Variants in KIAA1958 observed in about 807,000 individuals in gnomAD.
KIAA1958 encodes uncharacterized protein KIAA1958.
In KIAA1958, 14 loss-of-function variants were observed where a neutral mutation model predicts 47.2. The observed-to-expected ratio is 0.30, with a 90% CI of 0.20 to 0.46. The LOEUF is 0.46. Among genes scored for constraint, KIAA1958 ranks in the 20% least tolerant of loss-of-function variants. KIAA1958 has a pLI of 1.00. For missense variants in KIAA1958, 803 were observed against 909.2 expected (o/e 0.88, Z 1.50); for synonymous variants, 354 against 353.3 (o/e 1.00, Z -0.02).
intron 1 of KIAA1958, among the ~76,000 whole-genome samples, chr9:112,561,042 G>A (rs1167649154): frequency 1.3e-5 from 2 of 151,038 alleles, no homozygotes; most frequent in Non-Finnish European, 1.5e-5. Flanking sequence ...AGCACTCAGT[G>A]TATTGTCTTT....
chr9:112,594,183 T>C (rs1458587685), intron 2 of KIAA1958, among the ~76,000 whole-genome samples: 2 of 152,196 alleles, frequency 1.3e-5, no homozygotes, highest in African/African-American at 4.8e-5. Flanking sequence ...CTTTTAAATG[T>C]AGTATAGTTG....
chr9:112,508,363 G>A (rs940786692), intron 1 of KIAA1958, among the ~76,000 whole-genome samples: 1 of 152,094 alleles, frequency 6.6e-6, no homozygotes, highest in Non-Finnish European at 1.5e-5. Flanking sequence ...ATTCACAAAG[G>A]CAGTCTAGAA....
intron 1 of KIAA1958, among the ~76,000 whole-genome samples, chr9:112,555,350 A>G (rs1043550875): frequency 2.6e-5 from 4 of 152,202 alleles, no homozygotes; most frequent in African/African-American, 4.8e-5. Flanking sequence ...GAGGCCAGGC[A>G]AGTGGGAGAG....
At chr9:112,635,832 A>G (rs1470443559) in intron 2 of KIAA1958, among the ~76,000 whole-genome samples, 1 of 151,854 alleles carries the variant, frequency 6.6e-6, no homozygotes, top group East Asian at 1.9e-4. Context: ...ACTTTTTATT[A>G]TAAATTTCTT....
At position 112,642,995 on chromosome 9, in the gene KIAA1958, T is replaced by G. The variant is rs139279763; in HGVS notation, c.1172-2655T>G. On this transcript the variant is annotated intron_variant, in intron 2 of 3. Coordinates refer to ENST00000337530, the MANE Select transcript of KIAA1958 (RefSeq NM_133465.4). ...CTCTGTCCTGTGATTTTAAGAAAAT[T>G]TTAAGAAATTATTTAGCGGTTTAAT... Among the ~76,000 whole-genome samples, 898 of 152,360 alleles carry G rather than the reference T, an allele frequency of 5.9e-3. 11 individuals are homozygous for G. The highest frequency in any genetic ancestry group is 0.021 in the African/African-American group (857 of 41,582).
chr9:112,564,078 G>T (rs1157114452), intron 1 of KIAA1958, among the ~76,000 whole-genome samples: 1 of 152,108 alleles, frequency 6.6e-6, no homozygotes, highest in South Asian at 2.1e-4. Flanking sequence ...GAGGAATATT[G>T]ATCTATAATT....
At chr9:112,645,121 G>A (rs556743300) in intron 2 of KIAA1958, among the ~76,000 whole-genome samples, 2 of 134,270 alleles carry the variant, frequency 1.5e-5, no homozygotes, top group African/African-American at 2.8e-5. Flanking sequence ...GGCGATAAGC[G>A]CAAAACTTTG....
intron 2 of KIAA1958, among the ~76,000 whole-genome samples, chr9:112,600,773 A>G (rs1200452553): frequency 6.6e-6 from 1 of 152,242 alleles, no homozygotes; most frequent in Admixed American, 6.5e-5. Context: ...AGCTCGGGCT[A>G]GGTAGGAAGA....
intron 1 of KIAA1958, among the ~76,000 whole-genome samples, chr9:112,529,691 A>G (rs1834719941): frequency 1.3e-5 from 2 of 152,178 alleles, no homozygotes; most frequent in Admixed American, 6.5e-5. Flanking sequence ...CATGCTATCA[A>G]CATGAATTAT....
intron 1 of KIAA1958, among the ~76,000 whole-genome samples, chr9:112,496,481 G>A (rs567602966): frequency 3.9e-5 from 6 of 152,194 alleles, no homozygotes; most frequent in Non-Finnish European, 8.8e-5. Context: ...TTCTTGAACT[G>A]GTTGCTGGTT....
At chr9:112,627,786 T>G (rs1409677454) in intron 2 of KIAA1958, among the ~76,000 whole-genome samples, 1 of 152,178 alleles carries the variant, frequency 6.6e-6, no homozygotes, top group Non-Finnish European at 1.5e-5. Flanking sequence ...TTCAGTAATT[T>G]TATTTCCTTT....
chr9:112,499,688 C>CTTTTTTT (rs917810043), intron 1 of KIAA1958, among the ~76,000 whole-genome samples: 2 of 130,502 alleles, frequency 1.5e-5, no homozygotes, highest in Non-Finnish European at 3.3e-5. Flanking sequence ...ACATTTTTTT[C>CTTTTTTT]TTTTTTTTTT....
chr9:112,650,957 A>G (rs1837046648), intron 3 of KIAA1958, among the ~76,000 whole-genome samples: 1 of 152,240 alleles, frequency 6.6e-6, no homozygotes, highest in African/African-American at 2.4e-5. Context: ...TTTCATAGTG[A>G]TAAAAACATC....
At chr9:112,637,815 A>C (rs554376295) in intron 2 of KIAA1958, among the ~76,000 whole-genome samples, 2 of 152,296 alleles carry the variant, frequency 1.3e-5, no homozygotes, top group East Asian at 3.9e-4. Context: ...TGTGCTGTAT[A>C]AGGTAATTTG....
chr9:112,630,279 G>A (rs1836687336), intron 2 of KIAA1958, among the ~76,000 whole-genome samples: 1 of 152,172 alleles, frequency 6.6e-6, no homozygotes, highest in Admixed American at 6.5e-5. Context: ...TTTTTGTGTG[G>A]AGCTCTGTTG....
intron 1 of KIAA1958, among the ~76,000 whole-genome samples, chr9:112,564,418 C>A (rs925271164): frequency 2.6e-5 from 4 of 152,088 alleles, no homozygotes; most frequent in Non-Finnish European, 5.9e-5. Context: ...AGGTTCAGAA[C>A]CTTGTAAACA....
In KIAA1958 at chr9:112,574,149, G is replaced by A. The variant is rs767698180; in HGVS notation, c.69G>A (p.Gly23=). 1.2e-6 allele frequency: 2 copies of A among 1,613,992 alleles called. No individual in the cohort carries two copies. Among genetic ancestry groups the A allele is most frequent in the Admixed American group, 1.7e-5 (1 of 59,996 alleles). The stretch of plus-strand genomic sequence containing the variant: ...TGGTCAGCTGGGCCCATAGCCATGG[G>A]ACTATTTGCAGCCTCATTCCAAACC... ...SKLVSWAHSH[G]TICSLIPNLK... Residue 23 remains glycine, a synonymous_variant, in exon 2 of 4, where the codon GGG becomes GGA. Coordinates refer to ENST00000337530, the MANE Select transcript of KIAA1958 (RefSeq NM_133465.4).
At chr9:112,530,451 G>T (rs1309695799) in intron 1 of KIAA1958, among the ~76,000 whole-genome samples, 1 of 152,120 alleles carries the variant, frequency 6.6e-6, no homozygotes, top group Non-Finnish European at 1.5e-5. Flanking sequence ...TTTTGCCTCT[G>T]ATTTTCTACA....
At chr9:112,558,902 T>C (rs896790169) in intron 1 of KIAA1958, among the ~76,000 whole-genome samples, 1 of 152,174 alleles carries the variant, frequency 6.6e-6, no homozygotes, top group African/African-American at 2.4e-5. Context: ...ACACTTTGGG[T>C]ACAACACTTT....
Sources: allele counts gnomAD v4.1 joint callset (sites outside exome capture counted in the v4.1 genomes callset), GRCh38; gene constraint gnomAD v4.1.1; transcripts MANE v1.5; gene names NCBI Gene and HGNC (gene_info 2026-07-23, HGNC 2026-07-21).